FRY: variants seen among roughly 807,000 people sequenced by gnomAD.
FRY encodes the protein FRY microtubule binding protein, also known as protein furry homolog.
Under a neutral mutation model 348.4 loss-of-function variants are expected in FRY, and 128 were observed. The observed-to-expected ratio is 0.37, with a 90% confidence interval of 0.32 to 0.43. FRY has a LOEUF of 0.43. Among genes scored for constraint, FRY ranks in the 20% least tolerant of loss-of-function variants. The probability of loss-of-function intolerance (pLI) is 1.00; values close to 1 mark genes in which losing one functional copy is unlikely to be tolerated. For missense variants in FRY, 2,736 were observed against 3,695.2 expected, an observed-to-expected ratio of 0.74 and a Z score of 6.73; for synonymous variants, 1,370 against 1,374.7, an observed-to-expected ratio of 1.00 and a Z score of 0.08.
intron 1 of FRY, among the ~76,000 whole-genome samples, chr13:32,051,829 GA>G (rs1873347288): frequency 6.6e-6 from 1 of 152,194 alleles, no homozygotes; most frequent in South Asian, 2.1e-4. Flanking sequence ...GTGATATTCA[GA>G]AAGAATGAAG....
In FRY at chr13:32,134,924, C is replaced by T. The variant is rs34037604; in HGVS notation, c.906C>T (p.Leu302=). The change falls in exon 9 of 61, where the codon CTC becomes CTT. Residue 302 remains leucine, a synonymous_variant. Coordinates refer to ENST00000542859, the MANE Select transcript of FRY (RefSeq NM_023037.3). Reference sequence around the variant, plus strand: ...CCCAGGAATGTGCACATTACTTCCTCGAGGTCAAAGACAAAGATATCAAGC... The same window carrying T: ...CCCAGGAATGTGCACATTACTTCCTTGAGGTCAAAGACAAAGATATCAAGC... ...QFMQECAHYF[L]EVKDKDIKHA... 9.7e-5 allele frequency: 157 copies of T among 1,610,576 alleles called. No individual in the cohort carries two copies. The African/African-American group carries it at 1.2e-3, about 13-fold the overall frequency.
At chr13:32,274,680 G>A (rs1424321755) in intron 55 of FRY, among the ~76,000 whole-genome samples, 162 bp from the exon 56 acceptor site, 5 of 140,724 alleles carry the variant, frequency 3.6e-5, no homozygotes, top group African/African-American at 1.1e-4. Flanking sequence ...CTCCAGCCTG[G>A]GCGACAGAGC....
At chr13:32,133,768 C>CTTTTT (rs34413710) in intron 8 of FRY, among the ~76,000 whole-genome samples, 5,432 of 88,660 alleles carry the variant, frequency 0.061, 203 homozygotes, top group Non-Finnish European at 0.085. Context: ...TTCTTTCTTT[C>CTTTTT]TTTTTTTTTT....
chr13:32,147,846 A>T lies in FRY; in HGVS notation c.1291A>T (p.Ile431Leu), dbSNP rs753530263. The T allele has an allele frequency of 2.5e-6, 4 of 1,594,514 alleles. No individual in the cohort carries two copies. Among genetic ancestry groups the T allele is most frequent in the Non-Finnish European group, 2.6e-6 (3 of 1,162,220 alleles). The change falls in exon 13 of 61, where the codon ATA (isoleucine) becomes TTA (leucine). Residue 431 changes from isoleucine to leucine, a missense_variant. By Grantham distance (5) the Ile-to-Leu change is conservative. This residue lies in a region of FRY where 191 missense variants were observed against 370.2 expected (regional missense o/e 0.52). Coordinates refer to ENST00000542859, the MANE Select transcript of FRY (RefSeq NM_023037.3). ...TTCCCCCTTATCTTTCAGCCGACTT[A>T]TAACCATCATCACAACACTTTTCCC... is the stretch of plus-strand genomic sequence containing the variant. ...ESNTATQSRL[I>L]TIITTLFPKG...
intron 28 of FRY, among the ~76,000 whole-genome samples, chr13:32,192,354 AGTGGCTGGAGTG>A (rs1167467609): frequency 1.3e-5 from 2 of 151,702 alleles, no homozygotes; most frequent in Admixed American, 1.3e-4. Context: ...GCTGGAGTGC[AGTGGCTGGAGTG>A]CAGTGGCGCG....
chr13:32,217,148 C>T (rs544605465), intron 35 of FRY, among the ~76,000 whole-genome samples: 16 of 152,268 alleles, frequency 1.1e-4, no homozygotes, highest in African/African-American at 3.4e-4. Flanking sequence ...GAGTATTGAT[C>T]TGTTATGAGT....
chr13:32,119,129 G>A (rs1015286718), intron 4 of FRY, among the ~76,000 whole-genome samples: 9 of 152,198 alleles, frequency 5.9e-5, no homozygotes, highest in African/African-American at 1.9e-4. Flanking sequence ...ATTTGACTTA[G>A]TAGCATTTTA....
chr13:32,261,658 T>A lies in FRY; in HGVS notation c.7459T>A (p.Ser2487Thr). The change falls in exon 52 of 61, where the codon TCT becomes ACT. Residue 2487 changes from serine (S) to threonine (T), a missense_variant. Transcript: ENST00000542859. ...DNFNWGVRRR[S>T]LDSLDKCDMQ... ...TTTCAACTGGGGAGTGCGCAGACGT[T>A]CTCTGGACAGCCTGGATAAGTGTGA... 1 of 1,614,124 alleles carries A rather than the reference T, an allele frequency of 6.2e-7. No homozygotes were observed. Among genetic ancestry groups the A allele is most frequent in the Non-Finnish European group, 8.5e-7 (1 of 1,180,016 alleles).
intron 58 of FRY, among the ~76,000 whole-genome samples, chr13:32,280,622 G>A (rs1186322633): frequency 1.3e-5 from 2 of 152,150 alleles, no homozygotes; most frequent in Admixed American, 6.5e-5. Flanking sequence ...CCAGCTCATA[G>A]TATAGTTTGT....
At position 32,276,389 on chromosome 13, in the gene FRY, T is replaced by A. The variant is rs1888538419; in HGVS notation, c.8287-75T>A. Reference sequence around the variant, plus strand: ...CCCTTAACAGCACTTCTAAATATACTTCTGTTTTCTGTGTAGCCATGCCTT... The same window carrying A: ...CCCTTAACAGCACTTCTAAATATACATCTGTTTTCTGTGTAGCCATGCCTT... On this transcript the variant is annotated intron_variant, in intron 56 of 60. Coordinates refer to ENST00000542859, the MANE Select transcript of FRY (RefSeq NM_023037.3). 1.7e-5 allele frequency: 14 copies of A among 813,434 alleles called. No homozygotes were observed. In the South Asian group the frequency reaches 1.9e-4, roughly 11 times the overall value. 50.4% of individuals were successfully genotyped at this position (813,434 alleles called of 1,614,324 possible).
intron 1 of FRY, among the ~76,000 whole-genome samples, chr13:32,054,378 C>A (rs572774844): frequency 2.6e-5 from 4 of 151,886 alleles, no homozygotes; most frequent in Admixed American, 1.3e-4. Context: ...TACATCTTGT[C>A]TTTTGATTTT....
chr13:32,173,756 A>C (rs1427640479), intron 19 of FRY, among the ~76,000 whole-genome samples: 1 of 152,224 alleles, frequency 6.6e-6, no homozygotes, highest in Non-Finnish European at 1.5e-5. Context: ...GAAAAGACAA[A>C]TCCCAGTTCT....
chr13:32,234,806 C>T (rs370647354), intron 42 of FRY, 45 bp downstream of exon 42: 7 of 1,436,814 alleles, frequency 4.9e-6, no homozygotes, highest in Non-Finnish European at 6.9e-6. Flanking sequence ...TGAGCTCTCT[C>T]ATCTCAATGA....
intron 4 of FRY, among the ~76,000 whole-genome samples, chr13:32,120,469 T>C (rs189159849): frequency 1.3e-3 from 192 of 152,290 alleles, no homozygotes; most frequent in Non-Finnish European, 7.1e-4. Context: ...TTTTTAAACA[T>C]TTATTTATTT....
intron 2 of FRY, among the ~76,000 whole-genome samples, chr13:32,098,013 A>ATGTT (rs1876866975): frequency 6.6e-6 from 1 of 152,080 alleles, no homozygotes; most frequent in Admixed American, 6.6e-5. Flanking sequence ...ATTTGAAAAA[A>ATGTT]CTGGACACCA....
intron 47 of FRY, among the ~76,000 whole-genome samples, chr13:32,245,657 G>A (rs1456078204): frequency 1.3e-5 from 2 of 152,034 alleles, no homozygotes; most frequent in African/African-American, 2.4e-5. Flanking sequence ...ACACCAGGAC[G>A]AGTTTCTAGA....
At chr13:32,211,286 C>T (rs1170295680) in intron 34 of FRY, among the ~76,000 whole-genome samples, 5 of 152,138 alleles carry the variant, frequency 3.3e-5, no homozygotes, top group Non-Finnish European at 4.4e-5. Context: ...GACAAAACCC[C>T]GTCTCTACTA....
chr13:32,184,972 C>G lies in FRY; in HGVS notation c.3147-4C>G, dbSNP rs1264178191. 1 of 1,612,994 alleles carries G rather than the reference C, an allele frequency of 6.2e-7. No homozygotes were observed. On this transcript the variant is annotated splice_polypyrimidine_tract_variant and splice_region_variant and intron_variant, in intron 25 of 60. Transcript: ENST00000542859. Reference sequence around the variant, plus strand: ...TCTAAAAGTTTCATTTTCCTTTATTCCAGCACAAATGGAGCCCTAGAGCGG... The same window carrying G: ...TCTAAAAGTTTCATTTTCCTTTATTGCAGCACAAATGGAGCCCTAGAGCGG...
chr13:32,045,966 A>G (rs1872995082), intron 1 of FRY, among the ~76,000 whole-genome samples: 1 of 152,226 alleles, frequency 6.6e-6, no homozygotes, highest in Non-Finnish European at 1.5e-5. Context: ...GGCAGAGGAT[A>G]CAACTACTTA....
Sources: gnomAD v4.1 joint callset for allele counts (sites outside exome capture counted in the v4.1 genomes callset) on GRCh38, gnomAD v4.1.1 for gene constraint, gnomAD v4.1.1 regional missense constraint, MANE v1.5 for transcripts, NCBI Gene and HGNC (gene_info 2026-07-23, HGNC 2026-07-21) for gene names.